WDR25: variants seen among roughly 807,000 people sequenced by gnomAD.
WDR25 encodes the protein WD repeat-containing protein 25.
WDR25 carries 35 observed loss-of-function variants against 47.7 expected under a neutral mutation model. The ratio of observed to expected loss-of-function variants is 0.73; its 90% CI spans 0.56 to 0.97. The LOEUF is 0.97. WDR25 is among the 50% of genes least tolerant of loss of function. The probability of loss-of-function intolerance (pLI) is 0.00; values close to 1 mark genes in which losing one functional copy is unlikely to be tolerated. For synonymous variants in WDR25, 248 were observed against 278.9 expected (o/e 0.89, Z 1.10); for missense variants, 634 against 704.7 (o/e 0.90, Z 1.14).
In WDR25 at chr14:100,430,152, G is replaced by GTA. The variant is rs34849341; in HGVS notation, c.823-37868_823-37867insAT. 3.0e-3 allele frequency among the ~76,000 whole-genome samples: 26 copies of GTA among 8,784 alleles called. No homozygotes were observed. The highest frequency in any genetic ancestry group is 7.2e-3 in the African/African-American group (25 of 3,494). 5.8% of individuals were successfully genotyped at this position (8,784 alleles called of 152,430 possible). A position where few individuals can be genotyped will look rare whatever the true frequency, so the allele number is the denominator to read the frequency against. On this transcript the variant is annotated intron_variant, in intron 2 of 6. Transcript: ENST00000402312. This position sits in a 1 kb window ranked among gnomAD's most constrained non-coding sequence, Gnocchi z 4.7. The stretch of plus-strand genomic sequence containing the variant: ...AAATCTTGCAGACCAAGGGGGCCTG[G>GTA]TGTGTGTGTGTGTGTGTGTGTGTGT...
Position 100,527,692 on chromosome 14 carries a change from G to T in WDR25, c.1273-1376G>T, listed in dbSNP as rs115637747. On this transcript the variant is annotated intron_variant, in intron 5 of 6. Coordinates refer to ENST00000402312, the MANE Select transcript of WDR25 (RefSeq NM_001161476.3). ...AGTGAGGCAGATGAAGGTGCCTTGC[G>T]CCTGAACTATAGTTACACTCCACAC... Among the ~76,000 whole-genome samples the T allele has an allele frequency of 6.8e-3, 1,040 of 152,296 alleles. 14 individuals carry two copies. Among genetic ancestry groups the T allele is most frequent in the African/African-American group, 0.024 (1,015 of 41,560 alleles).
chr14:100,435,236 T>G (rs1195120512), intron 2 of WDR25, among the ~76,000 whole-genome samples: 2 of 152,148 alleles, frequency 1.3e-5, no homozygotes, highest in East Asian at 3.8e-4. Flanking sequence ...GAATGACGGG[T>G]GTACTTGCTC....
rs184925087 is a variant in WDR25, at chr14:100,475,890, A to G, written c.970+7722A>G. Among the ~76,000 whole-genome samples the G allele has an allele frequency of 5.9e-5, 9 of 151,856 alleles. No individual in the cohort carries two copies. The East Asian group carries it at 1.7e-3, about 29-fold the overall frequency. ...AACATCACATTGTACCCCCAAATAT[A>G]TATATATATAAAATTATTTATCAAT... On this transcript the variant is annotated intron_variant, in intron 3 of 6. Transcript: ENST00000402312.
At chr14:100,388,315 G>A (rs1453289733) in intron 2 of WDR25, among the ~76,000 whole-genome samples, 3 of 152,218 alleles carry the variant, frequency 2.0e-5, no homozygotes, top group Non-Finnish European at 4.4e-5. Context: ...AATTGGTGAT[G>A]TGTGTGTGCG....
rs1054567863 is a variant in WDR25, at chr14:100,479,420, T to A, written c.971-4574T>A. ...CAGGAAAGGAAAAGAAGAGTACATT[T>A]TTTTTTTTTAGGAATACCAGATTTC... is the stretch of plus-strand genomic sequence containing the variant. On this transcript the variant is annotated intron_variant, in intron 3 of 6. Transcript: ENST00000402312. Among the ~76,000 whole-genome samples the A allele has an allele frequency of 2.7e-5, 4 of 150,584 alleles. No homozygotes were observed. In the East Asian group the frequency reaches 7.8e-4, roughly 29 times the overall value.
intron 2 of WDR25, among the ~76,000 whole-genome samples, chr14:100,453,195 G>A (rs1462992332): frequency 2.0e-5 from 3 of 152,230 alleles, no homozygotes; most frequent in African/African-American, 7.2e-5. Context: ...GCTTTGCATT[G>A]TATTTCTCTG....
chr14:100,480,913 C>T, intron 3 of WDR25: 1 of 344,042 alleles, frequency 2.9e-6, no homozygotes, highest in Non-Finnish European at 5.7e-6. Flanking sequence ...TCTCGTGGCT[C>T]TGCAGGCACC....
intron 3 of WDR25, among the ~76,000 whole-genome samples, chr14:100,478,009 G>A (rs773658157): frequency 5.3e-5 from 8 of 152,072 alleles, no homozygotes; most frequent in Non-Finnish European, 1.2e-4. Context: ...GGAGAATGGC[G>A]TGAATCTGGG....
At chr14:100,524,991 C>T (rs1477022593) in intron 4 of WDR25, among the ~76,000 whole-genome samples, 2 of 152,238 alleles carry the variant, frequency 1.3e-5, no homozygotes, top group Admixed American at 6.5e-5. Flanking sequence ...TGGCGGGGCC[C>T]AGGGACTGAA....
Position 100,424,263 on chromosome 14 carries a change from AC to A in WDR25, c.822+42519del, listed in dbSNP as rs1159293756. On this transcript the variant is annotated intron_variant, in intron 2 of 6. Coordinates refer to ENST00000402312, the MANE Select transcript of WDR25 (RefSeq NM_001161476.3). The surrounding 1 kb of genome is among the most constrained non-coding windows in gnomAD (Gnocchi z 4.2). Reference sequence around the variant, plus strand: ...GTTTCAGAGCCTGTGGCGTTTTCACACCATGTTCTAGGTGCCAGCAGAAGTC... The same window carrying A: ...GTTTCAGAGCCTGTGGCGTTTTCACACATGTTCTAGGTGCCAGCAGAAGTC... Among the ~76,000 whole-genome samples the A allele has an allele frequency of 6.6e-6, 1 of 152,174 alleles. No individual in the cohort carries two copies.
chr14:100,471,907 A>G (rs1566926641), intron 3 of WDR25, among the ~76,000 whole-genome samples: 2 of 152,184 alleles, frequency 1.3e-5, no homozygotes, highest in African/African-American at 4.8e-5. Flanking sequence ...TAATCTTCCT[A>G]ACAAAACGTC....
rs1431209805 is a variant in WDR25 at position 100,381,228 on chromosome 14, G to A, written c.304G>A (p.Glu102Lys). 2 of 1,613,954 alleles carry A rather than the reference G, an allele frequency of 1.2e-6. No individual in the cohort carries two copies. Among genetic ancestry groups the A allele is most frequent in the African/African-American group, 2.7e-5 (2 of 74,894 alleles). ...CCAGAGGCTACAGTGGCCCGGGAAG[G>A]AGCCTCAAGTCACCTTCCCCATCAA... ...PSQRLQWPGK[E>K]PQVTFPIKEP... Residue 102 changes from glutamate to lysine, a missense_variant, in exon 2 of 7, where the codon GAG (glutamate) becomes AAG (lysine). Glu to Lys is a moderately conservative substitution (Grantham distance 56). Transcript: ENST00000402312.
Position 100,449,017 on chromosome 14 carries a change from G to A in WDR25, c.823-19004G>A, listed in dbSNP as rs1045397947. Among the ~76,000 whole-genome samples, 3 of 152,088 alleles carry A rather than the reference G, an allele frequency of 2.0e-5. No individual in the cohort carries two copies. The highest frequency in any genetic ancestry group is 2.1e-4 in the South Asian group (1 of 4,824). ...AACGCACCTAGAAAGTGGCGTGCAA[G>A]GACGATCGTGATGGGAGATGAGGCT... is the stretch of plus-strand genomic sequence containing the variant. On this transcript the variant is annotated intron_variant, in intron 2 of 6. Coordinates refer to ENST00000402312, the MANE Select transcript of WDR25 (RefSeq NM_001161476.3). The surrounding 1 kb of genome is among the most constrained non-coding windows in gnomAD (Gnocchi z 4.2).
At chr14:100,478,115 A>AAACAAAAAC (rs141134731) in intron 3 of WDR25, among the ~76,000 whole-genome samples, 8 of 151,292 alleles carry the variant, frequency 5.3e-5, no homozygotes, top group African/African-American at 9.7e-5. Context: ...AAACAAAACA[A>AAACAAAAAC]AAACAAACAA....
chr14:100,513,282 C>G (rs746116781), intron 4 of WDR25, among the ~76,000 whole-genome samples: 1 of 152,222 alleles, frequency 6.6e-6, no homozygotes, highest in South Asian at 2.1e-4. Flanking sequence ...AGGGCTCCAC[C>G]TTTGTTAGTG....
chr14:100,455,864 C>T (rs367571827), intron 2 of WDR25, among the ~76,000 whole-genome samples: 1 of 152,148 alleles, frequency 6.6e-6, no homozygotes, highest in Non-Finnish European at 1.5e-5. Context: ...GGCTCACCCA[C>T]AAAACAAATA....
intron 3 of WDR25, among the ~76,000 whole-genome samples, chr14:100,471,684 C>T (rs182147624): frequency 3.3e-5 from 5 of 152,280 alleles, no homozygotes; most frequent in Non-Finnish European, 5.9e-5. Context: ...ATTAATTTGG[C>T]GCCAAGGCCA....
At chr14:100,384,104 C>T (rs901537417) in intron 2 of WDR25, among the ~76,000 whole-genome samples, 1 of 152,046 alleles carries the variant, frequency 6.6e-6, no homozygotes, top group African/African-American at 2.4e-5. Context: ...GAGCCCCACC[C>T]ACTGCACTGT....
chr14:100,484,903 G>T (rs1014321146), intron 4 of WDR25, among the ~76,000 whole-genome samples: 10 of 152,236 alleles, frequency 6.6e-5, no homozygotes, highest in Non-Finnish European at 1.3e-4. Flanking sequence ...CAACACAGCC[G>T]CTAGACTGGT....
Sources: gnomAD v4.1 joint callset for allele counts (sites outside exome capture counted in the v4.1 genomes callset) on GRCh38, gnomAD v4.1.1 for gene constraint, Gnocchi (gnomAD v3.1) non-coding constraint, MANE v1.5 for transcripts, NCBI Gene and HGNC (gene_info 2026-07-23, HGNC 2026-07-21) for gene names.